The following TTBK2 variants were observed in gnomAD, a reference collection of about 807,000 sequenced individuals.
TTBK2 encodes tau tubulin kinase 2, also known as tau-tubulin kinase 2.
TTBK2 carries 28 observed loss-of-function variants against 110.8 expected under a neutral mutation model. The ratio of observed to expected loss-of-function variants is 0.25; its 90% CI spans 0.19 to 0.35. TTBK2 has a LOEUF of 0.35. Ranked by LOEUF, TTBK2 falls within the 10% of genes least tolerant of loss-of-function variation. The probability of loss-of-function intolerance (pLI) is 1.00; values close to 1 mark genes in which losing one functional copy is unlikely to be tolerated. For synonymous variants in TTBK2, 532 were observed against 527.3 expected, an observed-to-expected ratio of 1.01 and a Z score of -0.12; for missense variants, 1,369 against 1,500.3, an observed-to-expected ratio of 0.91 and a Z score of 1.45.
chr15:42,745,643 T>C lies in TTBK2; in HGVS notation c.*152A>G, dbSNP rs2061780687. ...GCCTGCCTTAGGTAATTCCTTATCA[T>C]GTATTATGTCTTCTTATAAATAATT... On this transcript the variant is annotated 3_prime_UTR_variant, in exon 15 of 15. Transcript: ENST00000267890. 3.2e-6 allele frequency: 3 copies of C among 932,220 alleles called. No homozygotes were observed. Among genetic ancestry groups the C allele is most frequent in the South Asian group, 1.4e-5 (1 of 70,050 alleles). The allele number at this position is 932,220 out of a possible 1,614,324, so 57.7% of individuals were successfully genotyped here. A position where few individuals can be genotyped will look rare whatever the true frequency, so the allele number is the denominator to read the frequency against.
intron 9 of TTBK2, chr15:42,801,362 G>T (rs767143154): frequency 6.7e-7 from 1 of 1,498,672 alleles, no homozygotes; most frequent in Admixed American, 1.7e-5. Flanking sequence ...CAGACAGCTT[G>T]GCATTGGCAT....
At position 42,752,302 on chromosome 15, in the gene TTBK2, G is replaced by A. The variant is rs770922979; in HGVS notation, c.2944C>T (p.Leu982=). ...KAYQPDLVKL[L]VEKRQFKSFL... ...GACTTGAATTGTCTTTTTTCCACCA[G>A]AAGCTTGACTAGGTCTGGCTGATAG... The change falls in exon 14 of 15, where the codon CTG becomes TTG. Residue 982 remains leucine (L), a synonymous_variant. Transcript: ENST00000267890. 4 of 1,614,186 alleles carry A rather than the reference G, an allele frequency of 2.5e-6. No homozygotes were observed. In the Admixed American group the frequency reaches 6.7e-5, roughly 27 times the overall value.
chr15:42,829,050 G>C (rs746426441), intron 5 of TTBK2, among the ~76,000 whole-genome samples: 38 of 152,132 alleles, frequency 2.5e-4, no homozygotes, highest in Non-Finnish European at 4.9e-4. Context: ...ATGATGCATA[G>C]AAATAGACTG....
intron 13 of TTBK2, among the ~76,000 whole-genome samples, chr15:42,753,472 C>T (rs546105043): frequency 5.8e-4 from 88 of 152,240 alleles, no homozygotes; most frequent in African/African-American, 2.1e-3. Flanking sequence ...TAGGTTTATC[C>T]CTGCCCCTTC....
chr15:42,912,092 C>T (rs971335239), intron 1 of TTBK2, among the ~76,000 whole-genome samples: 1 of 152,176 alleles, frequency 6.6e-6, no homozygotes, highest in Non-Finnish European at 1.5e-5. Flanking sequence ...GTTGCACAAG[C>T]TTGGTCTACG....
chr15:42,778,989 A>C (rs1039385720), intron 11 of TTBK2, among the ~76,000 whole-genome samples: 3 of 152,232 alleles, frequency 2.0e-5, no homozygotes, highest in Non-Finnish European at 4.4e-5. Flanking sequence ...AAGAACTAAA[A>C]AGTAGCTGGG....
At chr15:42,791,685 GGTGGGTCA>G (rs1312565936) in intron 10 of TTBK2, among the ~76,000 whole-genome samples, 1 of 152,164 alleles carries the variant, frequency 6.6e-6, no homozygotes, top group African/African-American at 2.4e-5. Flanking sequence ...CTTGGGCAGG[GGTGGGTCA>G]GTTCTTGCTT....
chr15:42,805,535 A>C (rs1891426832), intron 9 of TTBK2, among the ~76,000 whole-genome samples: 1 of 152,216 alleles, frequency 6.6e-6, no homozygotes, highest in Non-Finnish European at 1.5e-5. Context: ...GAGGGGTCTA[A>C]TATGACTAGA....
chr15:42,830,491 A>G (rs1892713119), intron 4 of TTBK2, among the ~76,000 whole-genome samples: 1 of 152,042 alleles, frequency 6.6e-6, no homozygotes, highest in African/African-American at 2.4e-5. Flanking sequence ...CCCAGCCAAT[A>G]GCAAGAATTT....
At chr15:42,896,102 G>A (rs1342880676) in intron 1 of TTBK2, among the ~76,000 whole-genome samples, 2 of 151,714 alleles carry the variant, frequency 1.3e-5, no homozygotes, top group African/African-American at 2.4e-5. Flanking sequence ...GAGGCCTCAA[G>A]TGGATAACCT....
At chr15:42,763,633 G>T (rs962463772) in intron 13 of TTBK2, among the ~76,000 whole-genome samples, 1 of 152,078 alleles carries the variant, frequency 6.6e-6, no homozygotes, top group African/African-American at 2.4e-5. Context: ...ACTATACATT[G>T]TATGTGTCAA....
chr15:42,911,860 T>A (rs1197231668), intron 1 of TTBK2, among the ~76,000 whole-genome samples: 1 of 152,164 alleles, frequency 6.6e-6, no homozygotes, highest in African/African-American at 2.4e-5. Flanking sequence ...TTAATCTACA[T>A]CAGGGGTGTC....
At chr15:42,890,283 C>A (rs1895405322) in intron 1 of TTBK2, among the ~76,000 whole-genome samples, 1 of 152,206 alleles carries the variant, frequency 6.6e-6, no homozygotes, top group Non-Finnish European at 1.5e-5. Flanking sequence ...CCTACCTGCA[C>A]CCAGGTGAAA....
At chr15:42,768,672 T>C (rs1259582463) in intron 13 of TTBK2, among the ~76,000 whole-genome samples, 1 of 152,138 alleles carries the variant, frequency 6.6e-6, no homozygotes, top group Non-Finnish European at 1.5e-5. Flanking sequence ...ATCGTGAAAA[T>C]GGCCATACTG....
At chr15:42,855,536 G>A (rs938350890) in intron 3 of TTBK2, among the ~76,000 whole-genome samples, 2 of 152,134 alleles carry the variant, frequency 1.3e-5, no homozygotes, top group African/African-American at 4.8e-5. Flanking sequence ...GCTTCTACTG[G>A]TGAAAGATAC....
intron 6 of TTBK2, among the ~76,000 whole-genome samples, chr15:42,818,659 A>G (rs1396537779): frequency 6.6e-6 from 1 of 152,028 alleles, no homozygotes; most frequent in Non-Finnish European, 1.5e-5. Context: ...GGCGGAGCTT[A>G]AAGTGAGCGG....
chr15:42,889,291 G>C (rs1895362667), intron 1 of TTBK2, among the ~76,000 whole-genome samples: 2 of 152,102 alleles, frequency 1.3e-5, no homozygotes, highest in African/African-American at 4.8e-5. Flanking sequence ...TCTTGGTCTG[G>C]GTAGATACTT....
At chr15:42,765,877 A>G (rs1889342730) in intron 13 of TTBK2, among the ~76,000 whole-genome samples, 1 of 152,164 alleles carries the variant, frequency 6.6e-6, no homozygotes, top group African/African-American at 2.4e-5. Context: ...AGAAAGGGCC[A>G]GGTTACCCAC....
At chr15:42,755,445 G>GT (rs1172524000) in intron 13 of TTBK2, among the ~76,000 whole-genome samples, 1 of 152,152 alleles carries the variant, frequency 6.6e-6, no homozygotes, top group Non-Finnish European at 1.5e-5. Context: ...AATACTATTA[G>GT]TTGGACATGG....
Sources: gnomAD v4.1 joint callset for allele counts (sites outside exome capture counted in the v4.1 genomes callset) on GRCh38, gnomAD v4.1.1 for gene constraint, MANE v1.5 for transcripts, NCBI Gene and HGNC (gene_info 2026-07-23, HGNC 2026-07-21) for gene names.